Variants in SLC24A2 observed in about 807,000 individuals in gnomAD.
SLC24A2 encodes the protein sodium/potassium/calcium exchanger 2.
Under a neutral mutation model 62.0 loss-of-function variants are expected in SLC24A2, and 36 were observed. That is an observed-to-expected ratio of 0.58 (90% CI 0.44 to 0.77). The LOEUF is 0.77. SLC24A2 is among the 30% of genes least tolerant of loss of function. The probability of loss-of-function intolerance (pLI) is 0.00; values close to 1 mark genes in which losing one functional copy is unlikely to be tolerated. For missense variants in SLC24A2, 846 were observed against 817.9 expected, an observed-to-expected ratio of 1.03 and a Z score of -0.42; for synonymous variants, 358 against 294.0, an observed-to-expected ratio of 1.22 and a Z score of -2.23.
At position 19,654,100 on chromosome 9, in the gene SLC24A2, C is replaced by G. The variant is rs139155861; in HGVS notation, c.931-31801G>C. On this transcript the variant is annotated intron_variant, in intron 2 of 10. Transcript: ENST00000341998. ...CTTTGTAATCCCCAACCTATGACCC[C>G]AAGCAACCATTGATCCACTTTTGGT... is the stretch of plus-strand genomic sequence containing the variant. Among the ~76,000 whole-genome samples the G allele has an allele frequency of 2.6e-3, 392 of 152,292 alleles. 1 individual carries two copies. Among genetic ancestry groups the G allele is most frequent in the Non-Finnish European group, 4.3e-3 (295 of 68,034 alleles).
chr9:19,768,664 A>T (rs1393980728), intron 2 of SLC24A2, among the ~76,000 whole-genome samples: 2 of 152,210 alleles, frequency 1.3e-5, no homozygotes. Flanking sequence ...TCATCATGCC[A>T]CTTGGAATGG....
chr9:19,850,980 T>TAC, the SLC24A2 span, among the ~76,000 whole-genome samples: 10 of 42,018 alleles, frequency 2.4e-4, no homozygotes, highest in African/African-American at 3.0e-4. Context: ...TATATATATA[T>TAC]ATATGTATAT....
the SLC24A2 span, among the ~76,000 whole-genome samples, chr9:19,903,912 G>A: frequency 6.6e-6 from 1 of 152,154 alleles, no homozygotes; most frequent in Non-Finnish European, 1.5e-5. Flanking sequence ...CAGAATGCCA[G>A]AACTATATAG....
intron 7 of SLC24A2, among the ~76,000 whole-genome samples, chr9:19,566,089 G>A (rs1259167242): frequency 1.3e-5 from 2 of 152,106 alleles, no homozygotes; most frequent in Non-Finnish European, 2.9e-5. Flanking sequence ...CAAAAGCAAT[G>A]GCAACAGAAG....
At chr9:19,797,692 G>A in the SLC24A2 span, among the ~76,000 whole-genome samples, 5 of 152,158 alleles carry the variant, frequency 3.3e-5, no homozygotes, top group African/African-American at 9.7e-5. Flanking sequence ...AAAGAGGCTA[G>A]GGGACTTTAT....
chr9:20,014,447 T>C, the SLC24A2 span, among the ~76,000 whole-genome samples: 1 of 151,182 alleles, frequency 6.6e-6, no homozygotes, highest in South Asian at 2.1e-4. Flanking sequence ...TGCAGCATTA[T>C]TTACGACAGT....
the SLC24A2 span, among the ~76,000 whole-genome samples, chr9:19,916,242 C>T: frequency 6.6e-6 from 1 of 152,126 alleles, no homozygotes; most frequent in Admixed American, 6.5e-5. Context: ...TCTGGACACT[C>T]AACTCTATTC....
the SLC24A2 span, among the ~76,000 whole-genome samples, chr9:20,182,679 A>G: frequency 2.9e-4 from 44 of 152,280 alleles, no homozygotes; most frequent in Admixed American, 1.1e-3. Context: ...GAAATACCTA[A>G]TGCAAATGAC....
intron 2 of SLC24A2, among the ~76,000 whole-genome samples, chr9:19,762,800 T>G (rs1822380114): frequency 6.6e-6 from 1 of 150,990 alleles, no homozygotes. Context: ...GTGCTTTTTT[T>G]TTTTTTTTTT....
At chr9:20,110,176 C>T in the SLC24A2 span, among the ~76,000 whole-genome samples, 1 of 151,948 alleles carries the variant, frequency 6.6e-6, no homozygotes, top group African/African-American at 2.4e-5. Flanking sequence ...AAAAATGAGC[C>T]CTCTGGATAT....
chr9:20,201,722 T>C, the SLC24A2 span, among the ~76,000 whole-genome samples: 1 of 152,218 alleles, frequency 6.6e-6, no homozygotes. Flanking sequence ...GGAAACAGTT[T>C]TTTAAAAATT....
chr9:20,293,672 T>G, the SLC24A2 span, among the ~76,000 whole-genome samples: 1 of 152,166 alleles, frequency 6.6e-6, no homozygotes, highest in South Asian at 2.1e-4. Context: ...ACACAAGTAT[T>G]ATCTTTGCTC....
chr9:19,541,881 G>A (rs559995149), intron 8 of SLC24A2, among the ~76,000 whole-genome samples: 8 of 152,184 alleles, frequency 5.3e-5, no homozygotes, highest in South Asian at 4.1e-4. Context: ...AGGACCCTCT[G>A]AGCCAGGTGT....
the SLC24A2 span, among the ~76,000 whole-genome samples, chr9:20,031,343 C>T: frequency 1.0e-5 from 1 of 99,542 alleles, no homozygotes; most frequent in Non-Finnish European, 1.9e-5. Flanking sequence ...TATATATGTA[C>T]ACACACTTTA....
intron 2 of SLC24A2, among the ~76,000 whole-genome samples, chr9:19,649,164 G>T (rs2118144193): frequency 6.6e-6 from 1 of 152,254 alleles, no homozygotes; most frequent in Non-Finnish European, 1.5e-5. Context: ...TGTAAAAACT[G>T]CAAGTGTTCA....
intron 4 of SLC24A2, among the ~76,000 whole-genome samples, chr9:19,598,781 T>C (rs567961280): frequency 6.6e-5 from 10 of 152,154 alleles, no homozygotes; most frequent in Non-Finnish European, 1.5e-4. Flanking sequence ...TTCATAAATA[T>C]AAAACACATA....
the SLC24A2 span, among the ~76,000 whole-genome samples, chr9:20,288,569 G>C: frequency 6.6e-6 from 1 of 152,062 alleles, no homozygotes; most frequent in Non-Finnish European, 1.5e-5. Flanking sequence ...AGGAGTTTGA[G>C]ACCAGCCTGG....
the SLC24A2 span, among the ~76,000 whole-genome samples, chr9:19,947,356 GGAAGGAAGGAAA>G: frequency 6.8e-6 from 1 of 147,296 alleles, no homozygotes; most frequent in Non-Finnish European, 1.5e-5. Context: ...CCGGAAGGAA[GGAAGGAAGGAAA>G]GAAGGAAGGA....
intron 5 of SLC24A2, among the ~76,000 whole-genome samples, chr9:19,595,362 A>G (rs1380856805): frequency 1.3e-5 from 2 of 152,192 alleles, no homozygotes; most frequent in Non-Finnish European, 2.9e-5. Flanking sequence ...CTGCCTTTGC[A>G]GTTATTACCC....
Sources: allele counts gnomAD v4.1 joint callset (sites outside exome capture counted in the v4.1 genomes callset), GRCh38; gene constraint gnomAD v4.1.1; transcripts MANE v1.5; gene names NCBI Gene and HGNC (gene_info 2026-07-23, HGNC 2026-07-21).